The following C2orf76 variants were observed in gnomAD, a reference collection of about 807,000 sequenced individuals.
The protein encoded by C2orf76 is UPF0538 protein C2orf76.
A neutral mutation model predicts 16.9 loss-of-function variants in C2orf76; 23 were observed. The ratio of observed to expected loss-of-function variants is 1.36; its 90% CI spans 0.98 to 1.93. The LOEUF (loss-of-function observed/expected upper bound fraction) is 1.93, where lower values mean the gene tolerates loss of function less well. Ranked by LOEUF, C2orf76 falls within the 30% of genes most tolerant of loss-of-function variation. The pLI is 0.00. For missense variants in C2orf76, 152 were observed against 152.6 expected (o/e 1.00, Z 0.02); for synonymous variants, 48 against 52.3 (o/e 0.92, Z 0.35).
At chr2:119,366,688 C>A in intron 1 of C2orf76, 102 bp downstream of exon 1, 1 of 479,092 alleles carries the variant, frequency 2.1e-6, no homozygotes, top group Non-Finnish European at 3.8e-6. Flanking sequence ...TCCGTCCCCT[C>A]CCCTTCCCCC....
chr2:119,348,806 G>A (rs1680290548), intron 1 of C2orf76, among the ~76,000 whole-genome samples: 1 of 152,240 alleles, frequency 6.6e-6, no homozygotes, highest in African/African-American at 2.4e-5. Context: ...AGACCAGCCT[G>A]GGCAACATGG....
chr2:119,282,094 C>G, the C2orf76 span, among the ~76,000 whole-genome samples: 767 of 151,466 alleles, frequency 5.1e-3, 6 homozygotes, highest in South Asian at 0.041. Context: ...TGCAGGGAGC[C>G]GAGATCATGC....
intron 2 of C2orf76, among the ~76,000 whole-genome samples, chr2:119,334,182 C>T (rs13406811): frequency 1.3e-5 from 2 of 151,796 alleles, no homozygotes; most frequent in Admixed American, 6.6e-5. Flanking sequence ...GGAAAAGATA[C>T]AGAGATAAGA....
chr2:119,286,836 A>G, the C2orf76 span, among the ~76,000 whole-genome samples: 1 of 152,178 alleles, frequency 6.6e-6, no homozygotes, highest in South Asian at 2.1e-4. Context: ...AGGGAAGGGG[A>G]GGCCGTTCTC....
At chr2:119,311,801 A>G in intron 4 of C2orf76, 98 bp from the exon 5 acceptor site, 1 of 1,125,076 alleles carries the variant, frequency 8.9e-7, no homozygotes, top group Non-Finnish European at 1.3e-6. Context: ...TGAGCACAGC[A>G]ATAATCTAAG....
intron 1 of C2orf76, among the ~76,000 whole-genome samples, chr2:119,362,020 T>C (rs560270659): frequency 6.6e-6 from 1 of 151,622 alleles, no homozygotes; most frequent in African/African-American, 2.4e-5. Context: ...ACAATAGGAG[T>C]CCAACTTCTA....
At chr2:119,334,888 C>A (rs539494270) in intron 2 of C2orf76, among the ~76,000 whole-genome samples, 2 of 152,084 alleles carry the variant, frequency 1.3e-5, no homozygotes, top group East Asian at 3.9e-4. Flanking sequence ...GTGCTTATGG[C>A]GAAAGGACAC....
the C2orf76 span, among the ~76,000 whole-genome samples, chr2:119,284,227 C>A: frequency 6.6e-6 from 1 of 152,198 alleles, no homozygotes; most frequent in Admixed American, 6.5e-5. Context: ...GCCTCACTGA[C>A]CACGAGGGAA....
chr2:119,359,896 G>A (rs1680689367), intron 1 of C2orf76, among the ~76,000 whole-genome samples: 1 of 152,208 alleles, frequency 6.6e-6, no homozygotes, highest in South Asian at 2.1e-4. Flanking sequence ...CATGGTTTGA[G>A]AGAATTGACT....
the C2orf76 span, among the ~76,000 whole-genome samples, chr2:119,295,585 CT>C: frequency 0.042 from 6,360 of 152,176 alleles, 126 homozygotes; most frequent in South Asian, 0.08. Context: ...GCTCTGGTGA[CT>C]GCTTTGATCG....
At chr2:119,360,131 G>A (rs910151321) in intron 1 of C2orf76, among the ~76,000 whole-genome samples, 4 of 152,172 alleles carry the variant, frequency 2.6e-5, no homozygotes, top group Non-Finnish European at 5.9e-5. Context: ...ATCATGACTC[G>A]TTGAAGTCAG....
At chr2:119,309,961 T>C (rs1678929098) in intron 5 of C2orf76, among the ~76,000 whole-genome samples, 1 of 152,246 alleles carries the variant, frequency 6.6e-6, no homozygotes, top group Non-Finnish European at 1.5e-5. Context: ...ATTTAACCCA[T>C]CTACAATTTA....
At chr2:119,299,293 TC>T (rs968725855), downstream of C2orf76, among the ~76,000 whole-genome samples, 34 of 152,344 alleles carry the variant, frequency 2.2e-4, no homozygotes, top group African/African-American at 7.9e-4. Flanking sequence ...GCAAACTTCA[TC>T]AAGTTAAGGG....
chr2:119,288,158 A>ATTT, the C2orf76 span, among the ~76,000 whole-genome samples: 99 of 140,246 alleles, frequency 7.1e-4, 4 homozygotes, highest in African/African-American at 8.5e-4. Context: ...TTATACTTCA[A>ATTT]TTTTTTTTTT....
intron 1 of C2orf76, among the ~76,000 whole-genome samples, chr2:119,342,114 C>A (rs1680049869): frequency 6.6e-6 from 1 of 152,158 alleles, no homozygotes; most frequent in African/African-American, 2.4e-5. Context: ...CCATCAACAG[C>A]AGAATTGATA....
chr2:119,294,167 G>A, the C2orf76 span, among the ~76,000 whole-genome samples: 1 of 152,116 alleles, frequency 6.6e-6, no homozygotes, highest in Non-Finnish European at 1.5e-5. Flanking sequence ...AGATGGGGAG[G>A]AGTGACCAGT....
the C2orf76 span, among the ~76,000 whole-genome samples, chr2:119,285,269 G>C: frequency 1.3e-5 from 2 of 152,166 alleles, no homozygotes; most frequent in African/African-American, 4.8e-5. Context: ...GATATAGTGC[G>C]ATAGTCTCGG....
intron 2 of C2orf76, among the ~76,000 whole-genome samples, chr2:119,327,430 C>T (rs1282855501): frequency 4.6e-5 from 6 of 129,498 alleles, no homozygotes; most frequent in African/African-American, 1.8e-4. Flanking sequence ...GATGTTTTGT[C>T]CCCTCCAAAT....
At chr2:119,362,927 A>C (rs1221688982) in intron 1 of C2orf76, among the ~76,000 whole-genome samples, 2 of 152,006 alleles carry the variant, frequency 1.3e-5, no homozygotes, top group Non-Finnish European at 2.9e-5. Context: ...CGAACACCCA[A>C]AGGAAGGAGA....
Sources: gnomAD v4.1 joint callset for allele counts (sites outside exome capture counted in the v4.1 genomes callset) on GRCh38, gnomAD v4.1.1 for gene constraint, MANE v1.5 for transcripts, NCBI Gene and HGNC (gene_info 2026-07-23, HGNC 2026-07-21) for gene names.